BABAM2: variants seen among roughly 807,000 people sequenced by gnomAD.
BABAM2 encodes the protein BRISC and BRCA1-A complex member 2.
Under a neutral mutation model 54.7 loss-of-function variants are expected in BABAM2, and 31 were observed. That is an observed-to-expected ratio of 0.57 (90% CI 0.43 to 0.77). The LOEUF is 0.77. Among genes scored for constraint, BABAM2 ranks in the 30% least tolerant of loss-of-function variants. The pLI, the probability that BABAM2 is intolerant of heterozygous loss-of-function variation, is 0.00. For missense variants in BABAM2, 364 were observed against 455.8 expected, an observed-to-expected ratio of 0.80 and a Z score of 1.83; for synonymous variants, 167 against 162.9, an observed-to-expected ratio of 1.03 and a Z score of -0.19.
At chr2:28,026,801 A>ATAAATATATATCTATATAT (rs1491267438) in intron 5 of BABAM2, among the ~76,000 whole-genome samples, 1 of 60,234 alleles carries the variant, frequency 1.7e-5, no homozygotes, top group African/African-American at 6.0e-5. Flanking sequence ...ATATTTATAT[A>ATAAATATATATCTATATAT]AAAAATATAT....
chr2:28,282,427 G>T (rs1686438698), intron 10 of BABAM2, among the ~76,000 whole-genome samples: 1 of 152,064 alleles, frequency 6.6e-6, no homozygotes, highest in South Asian at 2.1e-4. Context: ...GGCTGAAATG[G>T]TAGATCAGCC....
At chr2:28,225,118 G>A (rs1202930558) in intron 7 of BABAM2, among the ~76,000 whole-genome samples, 1 of 152,210 alleles carries the variant, frequency 6.6e-6, no homozygotes, top group Non-Finnish European at 1.5e-5. Context: ...CTTTCCTGAA[G>A]CCTGGATAAA....
At chr2:28,084,873 A>G (rs966894210) in intron 6 of BABAM2, among the ~76,000 whole-genome samples, 2 of 152,148 alleles carry the variant, frequency 1.3e-5, no homozygotes, top group African/African-American at 4.8e-5. Flanking sequence ...ACTTTGCCAG[A>G]CCTGTGTGAT....
intron 7 of BABAM2, among the ~76,000 whole-genome samples, chr2:28,159,904 G>A (rs1342346364): frequency 6.6e-6 from 1 of 151,948 alleles, no homozygotes; most frequent in Non-Finnish European, 1.5e-5. Flanking sequence ...AAAATTGCCA[G>A]AATTTAGTTA....
intron 7 of BABAM2, among the ~76,000 whole-genome samples, chr2:28,192,328 C>T (rs1422476414): frequency 2.0e-5 from 3 of 152,012 alleles, no homozygotes; most frequent in Non-Finnish European, 4.4e-5. Flanking sequence ...GCCACTGCGC[C>T]CAGCCAGGAG....
At chr2:28,245,921 T>C (rs1161327757) in intron 10 of BABAM2, among the ~76,000 whole-genome samples, 2 of 152,218 alleles carry the variant, frequency 1.3e-5, no homozygotes, top group Admixed American at 6.5e-5. Flanking sequence ...AGTTCATTTT[T>C]CTATCTGATT....
intron 7 of BABAM2, chr2:28,233,094 G>T: frequency 2.7e-6 from 1 of 373,720 alleles, no homozygotes; most frequent in Non-Finnish European, 5.6e-6. Context: ...TGAAGAGAGA[G>T]AAGGTACCTT....
intron 9 of BABAM2, among the ~76,000 whole-genome samples, chr2:28,243,266 G>T (rs1467816835): frequency 2.0e-5 from 3 of 152,120 alleles, no homozygotes; most frequent in Admixed American, 6.5e-5. Flanking sequence ...AGGCACAGTG[G>T]CTCACACTTG....
At chr2:28,074,424 G>A (rs561439257) in intron 6 of BABAM2, among the ~76,000 whole-genome samples, 1 of 152,224 alleles carries the variant, frequency 6.6e-6, no homozygotes. Context: ...CCCCGGGAGG[G>A]CAAAATTACC....
intron 7 of BABAM2, among the ~76,000 whole-genome samples, chr2:28,180,850 T>C (rs1193309570): frequency 6.6e-6 from 1 of 152,138 alleles, no homozygotes; most frequent in Non-Finnish European, 1.5e-5. Flanking sequence ...TCAACAGGTA[T>C]ACAAAAAATG....
intron 4 of BABAM2, among the ~76,000 whole-genome samples, chr2:28,008,960 C>T (rs1674182780): frequency 6.6e-6 from 1 of 152,124 alleles, no homozygotes; most frequent in Admixed American, 6.5e-5. Flanking sequence ...TCTGGAGACA[C>T]AACCTGTAAC....
chr2:28,261,838 A>T (rs1319591452), intron 10 of BABAM2, among the ~76,000 whole-genome samples: 1 of 127,960 alleles, frequency 7.8e-6, no homozygotes, highest in Non-Finnish European at 1.6e-5. Flanking sequence ...GCAATACTTT[A>T]TTCATTTATA....
intron 10 of BABAM2, among the ~76,000 whole-genome samples, chr2:28,269,886 C>T (rs184431048): frequency 3.4e-4 from 52 of 151,628 alleles, no homozygotes; most frequent in Non-Finnish European, 5.6e-4. Context: ...ACATCAGGAG[C>T]TCTAATAGTA....
At chr2:27,929,423 T>C (rs2148349937) in intron 2 of BABAM2, among the ~76,000 whole-genome samples, 1 of 152,322 alleles carries the variant, frequency 6.6e-6, no homozygotes, top group South Asian at 2.1e-4. Context: ...AAGTGGGCTC[T>C]TTTTTGTACT....
chr2:28,307,270 G>A (rs1688641062), intron 11 of BABAM2, among the ~76,000 whole-genome samples: 1 of 151,436 alleles, frequency 6.6e-6, no homozygotes, highest in South Asian at 2.1e-4. Context: ...GCCTCCCAAA[G>A]TGCTGGGCTT....
At chr2:28,044,291 G>A (rs1276527257) in intron 5 of BABAM2, among the ~76,000 whole-genome samples, 3 of 152,146 alleles carry the variant, frequency 2.0e-5, no homozygotes, top group African/African-American at 7.2e-5. Context: ...GTGCAATGGT[G>A]CAATATTGGC....
intron 10 of BABAM2, among the ~76,000 whole-genome samples, chr2:28,289,167 C>T (rs948856130): frequency 3.3e-5 from 5 of 151,978 alleles, no homozygotes; most frequent in African/African-American, 7.2e-5. Context: ...GTATCATAGA[C>T]GTCCTGTGGG....
intron 11 of BABAM2, among the ~76,000 whole-genome samples, chr2:28,320,273 G>C (rs1689920500): frequency 6.6e-6 from 1 of 152,196 alleles, no homozygotes. Context: ...AGAGCCTACT[G>C]GGAACAAGAA....
At chr2:28,199,647 C>T (rs375337517) in intron 7 of BABAM2, among the ~76,000 whole-genome samples, 1 of 152,136 alleles carries the variant, frequency 6.6e-6, no homozygotes, top group Admixed American at 6.5e-5. Context: ...GTTCAGGAGT[C>T]GTGTTGACCC....
Sources: allele counts gnomAD v4.1 joint callset (sites outside exome capture counted in the v4.1 genomes callset), GRCh38; gene constraint gnomAD v4.1.1; transcripts MANE v1.5; gene names NCBI Gene and HGNC (gene_info 2026-07-23, HGNC 2026-07-21).